The following TXNDC11 variants were observed in gnomAD, a reference collection of about 807,000 sequenced individuals.
TXNDC11 encodes the protein thioredoxin domain containing 11.
Under a neutral mutation model 78.0 loss-of-function variants are expected in TXNDC11, and 68 were observed. The observed-to-expected ratio is 0.87, with a 90% CI of 0.72 to 1.07. TXNDC11 has a LOEUF of 1.07. TXNDC11 is among the 50% of genes least tolerant of loss of function. The probability of loss-of-function intolerance (pLI) is 0.00; values close to 1 mark genes in which losing one functional copy is unlikely to be tolerated. For missense variants in TXNDC11, 1,389 were observed against 1,221.8 expected (o/e 1.14, Z -2.04); for synonymous variants, 571 against 495.2 (o/e 1.15, Z -2.03).
chr16:11,699,975 C>T (rs2050966263), intron 6 of TXNDC11, among the ~76,000 whole-genome samples: 1 of 152,226 alleles, frequency 6.6e-6, no homozygotes, highest in Non-Finnish European at 1.5e-5. Flanking sequence ...CTGACGCTCT[C>T]TGGGATGAGA....
intron 5 of TXNDC11, among the ~76,000 whole-genome samples, chr16:11,715,273 T>C (rs1197780987): frequency 6.6e-6 from 1 of 151,892 alleles, no homozygotes; most frequent in East Asian, 1.9e-4. Flanking sequence ...TCCAAGATGG[T>C]ATTTAGGTAC....
At chr16:11,742,437 G>A (rs1211391412) in intron 1 of TXNDC11, 40 bp downstream of exon 1, 2 of 1,360,192 alleles carry the variant, frequency 1.5e-6, no homozygotes, top group Middle Eastern at 2.7e-4. Context: ...CAGAGCAAGG[G>A]GAGCGCCCTA....
chr16:11,698,277 A>G lies in TXNDC11; in HGVS notation c.955T>C (p.Trp319Arg). 3 of 1,614,080 alleles carry G rather than the reference A, an allele frequency of 1.9e-6. No homozygotes were observed. The highest frequency in any genetic ancestry group is 1.3e-5 in the African/African-American group (1 of 75,032). Reference sequence around the variant, plus strand: ...AGCGTCTCCTGGTTTTCTAAGGCCCACTTACAGATGTTCTCAGCTGTGTAG... The same window carrying G: ...AGCGTCTCCTGGTTTTCTAAGGCCCGCTTACAGATGTTCTCAGCTGTGTAG... Reference protein sequence around the residue: ...LNYTAENICKWALENQETLFR... With the variant: ...LNYTAENICKRALENQETLFR... The change falls in exon 7 of 12, where the codon TGG becomes CGG. Residue 319 changes from tryptophan to arginine, a missense_variant. Coordinates refer to ENST00000283033, the MANE Select transcript of TXNDC11 (RefSeq NM_015914.7).
intron 5 of TXNDC11, among the ~76,000 whole-genome samples, chr16:11,717,872 G>C (rs17606249): frequency 0.091 from 13,755 of 151,842 alleles, 703 homozygotes; most frequent in South Asian, 0.19. Context: ...ATGCACAAGA[G>C]TTCCTGTCCA....
chr16:11,739,671 C>A (rs2052334981), intron 1 of TXNDC11, among the ~76,000 whole-genome samples: 1 of 152,112 alleles, frequency 6.6e-6, no homozygotes, highest in East Asian at 1.9e-4. Context: ...TGTATCTACA[C>A]ACAGACAATT....
chr16:11,687,729 TA>T (rs1567294538), intron 10 of TXNDC11, 127 bp downstream of exon 10: 2 of 656,996 alleles, frequency 3.0e-6, no homozygotes, highest in East Asian at 6.0e-5. Context: ...ACCTGACAAT[TA>T]AATTCAGCCA....
intron 3 of TXNDC11, among the ~76,000 whole-genome samples, chr16:11,731,471 C>CCTCT (rs1357221145): frequency 1.3e-5 from 2 of 152,244 alleles, no homozygotes; most frequent in East Asian, 3.9e-4. Context: ...TTCTCACGTG[C>CCTCT]CTCTCTTCAG....
At chr16:11,688,729 T>A (rs9937773) in intron 8 of TXNDC11, among the ~76,000 whole-genome samples, 3 of 152,156 alleles carry the variant, frequency 2.0e-5, no homozygotes, top group Admixed American at 2.0e-4. Flanking sequence ...GGTCCACAAA[T>A]AGACACCAAG....
chr16:11,698,181 G>T lies in TXNDC11; in HGVS notation c.1051C>A (p.Leu351Met), dbSNP rs537193373. ...GGATTAAAAGGTATGAACAGAAACAGCGCTGGTCCTTTCTTCAGCTCGTTA... is the reference window on the plus strand; with the variant it reads ...GGATTAAAAGGTATGAACAGAAACATCGCTGGTCCTTTCTTCAGCTCGTTA... The part of the protein sequence containing the change: ...LNNELKKGPA[L>M]FLFIPFNPLA... The change falls in exon 7 of 12, where the codon CTG becomes ATG. Residue 351 changes from leucine (L) to methionine (M), a missense_variant. Transcript: ENST00000283033. 3.7e-6 allele frequency: 6 copies of T among 1,614,212 alleles called. No individual in the cohort carries two copies. Among genetic ancestry groups the T allele is most frequent in the Non-Finnish European group, 5.1e-6 (6 of 1,180,026 alleles).
At chr16:11,699,105 G>A (rs757058017) in intron 6 of TXNDC11, among the ~76,000 whole-genome samples, 2 of 152,130 alleles carry the variant, frequency 1.3e-5, no homozygotes, top group Non-Finnish European at 2.9e-5. Context: ...TCCTCAAAAC[G>A]AAGATTTAAA....
chr16:11,721,553 G>A (rs888484724), intron 5 of TXNDC11, 24 bp downstream of exon 5: 2 of 1,332,294 alleles, frequency 1.5e-6, no homozygotes, highest in Admixed American at 1.7e-5. Context: ...AAGTAACAAT[G>A]TCTTAATATG....
chr16:11,686,013 C>A (rs1260105430), intron 10 of TXNDC11, among the ~76,000 whole-genome samples: 1 of 152,064 alleles, frequency 6.6e-6, no homozygotes, highest in Non-Finnish European at 1.5e-5. Context: ...GGCTGGAATG[C>A]AGTGGTGCAA....
chr16:11,720,823 C>T (rs1440219553), intron 5 of TXNDC11, among the ~76,000 whole-genome samples: 2 of 151,764 alleles, frequency 1.3e-5, no homozygotes, highest in Non-Finnish European at 2.9e-5. Flanking sequence ...TTTACTGCAA[C>T]CTCTGCCTCC....
intron 5 of TXNDC11, among the ~76,000 whole-genome samples, chr16:11,711,421 C>G (rs2051353540): frequency 6.6e-6 from 1 of 152,212 alleles, no homozygotes; most frequent in African/African-American, 2.4e-5. Context: ...GTTAGCAAGT[C>G]ATGTTCCTTT....
intron 5 of TXNDC11, among the ~76,000 whole-genome samples, chr16:11,702,092 G>GTATATATATA (rs35673646): frequency 7.4e-4 from 107 of 144,360 alleles, no homozygotes; most frequent in African/African-American, 2.5e-3. Context: ...GTATGTATGT[G>GTATATATATA]TATATATATA....
At chr16:11,732,329 G>C (rs1358397382) in intron 3 of TXNDC11, among the ~76,000 whole-genome samples, 2 of 152,104 alleles carry the variant, frequency 1.3e-5, no homozygotes, top group Admixed American at 6.6e-5. Flanking sequence ...CCTCTGAGCA[G>C]TCTGAAAGGA....
intron 5 of TXNDC11, among the ~76,000 whole-genome samples, chr16:11,713,324 ATC>A (rs982084593): frequency 6.6e-6 from 1 of 151,974 alleles, no homozygotes; most frequent in African/African-American, 2.4e-5. Flanking sequence ...AAATAAAAGC[ATC>A]TCTCACAAAA....
intron 5 of TXNDC11, among the ~76,000 whole-genome samples, chr16:11,712,088 A>AT (rs1219253020): frequency 6.6e-6 from 1 of 152,212 alleles, no homozygotes; most frequent in African/African-American, 2.4e-5. Context: ...ACTTCCAAAC[A>AT]TGAAAAAAAC....
Position 11,688,011 on chromosome 16 carries a change from CTCT to C in TXNDC11, c.2044-48_2044-46del, listed in dbSNP as rs756938575. 20 of 1,396,302 alleles carry C rather than the reference CTCT, an allele frequency of 1.4e-5. No individual in the cohort carries two copies. In the South Asian group the frequency reaches 1.8e-4, roughly 12 times the overall value. 86.5% of individuals were successfully genotyped at this position (1,396,302 alleles called of 1,614,324 possible). A position where few individuals can be genotyped will look rare whatever the true frequency, so the allele number is the denominator to read the frequency against. On this transcript the variant is annotated intron_variant, in intron 9 of 11. Coordinates refer to ENST00000283033, the MANE Select transcript of TXNDC11 (RefSeq NM_015914.7). ...GATGTTACTTGCACCGGGAAATGGGCTCTTCTTCATTTCTTTCCTCATTGCTTA... is the reference window on the plus strand; with the variant it reads ...GATGTTACTTGCACCGGGAAATGGGCTCTTCATTTCTTTCCTCATTGCTTA...
Sources: allele counts gnomAD v4.1 joint callset (sites outside exome capture counted in the v4.1 genomes callset), GRCh38; gene constraint gnomAD v4.1.1; transcripts MANE v1.5; gene names NCBI Gene and HGNC (gene_info 2026-07-23, HGNC 2026-07-21).